The following ARHGAP26 variants were observed in gnomAD, a reference collection of about 807,000 sequenced individuals.
ARHGAP26 encodes Rho GTPase activating protein 26, also known as rho GTPase-activating protein 26.
A neutral mutation model predicts 104.8 loss-of-function variants in ARHGAP26; 38 were observed. The observed-to-expected ratio is 0.36, with a 90% CI of 0.28 to 0.48. ARHGAP26 has a LOEUF of 0.48. ARHGAP26 is among the 20% of genes least tolerant of loss of function. The pLI is 0.99. For synonymous variants in ARHGAP26, 341 were observed against 340.0 expected (o/e 1.00, Z -0.03); for missense variants, 704 against 947.9 (o/e 0.74, Z 3.38).
intron 11 of ARHGAP26, among the ~76,000 whole-genome samples, chr5:142,973,583 T>G (rs1291326638): frequency 2.0e-5 from 3 of 152,206 alleles, no homozygotes; most frequent in Admixed American, 6.5e-5. Context: ...TAGTTTTATT[T>G]TTAAAATAAC....
chr5:142,783,938 G>C (rs554562055), intron 1 of ARHGAP26, among the ~76,000 whole-genome samples: 1 of 152,222 alleles, frequency 6.6e-6, no homozygotes, highest in Non-Finnish European at 1.5e-5. Context: ...CAGATCATCA[G>C]CCACACCACC....
At chr5:142,971,309 G>A (rs187665818) in intron 11 of ARHGAP26, among the ~76,000 whole-genome samples, 1 of 152,264 alleles carries the variant, frequency 6.6e-6, no homozygotes, top group East Asian at 1.9e-4. Flanking sequence ...AAACTAGCAT[G>A]CTTTTGAAGA....
At chr5:143,081,463 T>A (rs1160506827) in intron 17 of ARHGAP26, among the ~76,000 whole-genome samples, 1 of 152,234 alleles carries the variant, frequency 6.6e-6, no homozygotes, top group African/African-American at 2.4e-5. Context: ...TTTCCATTGA[T>A]GTAATTGGAA....
chr5:143,004,261 C>A (rs2152794552), intron 11 of ARHGAP26, among the ~76,000 whole-genome samples: 1 of 152,268 alleles, frequency 6.6e-6, no homozygotes, highest in South Asian at 2.1e-4. Context: ...AGTTAGTCCA[C>A]AAGGACTCAG....
At chr5:143,016,213 A>G (rs1779561404) in intron 12 of ARHGAP26, among the ~76,000 whole-genome samples, 1 of 152,250 alleles carries the variant, frequency 6.6e-6, no homozygotes, top group Non-Finnish European at 1.5e-5. Flanking sequence ...ATACATAATA[A>G]CATGCATTAC....
At chr5:143,071,350 A>G (rs561597623) in intron 17 of ARHGAP26, among the ~76,000 whole-genome samples, 48 of 152,228 alleles carry the variant, frequency 3.2e-4, no homozygotes, top group Non-Finnish European at 5.6e-4. Context: ...ATTTTTGACA[A>G]AGGTGCCAAG....
intron 8 of ARHGAP26, among the ~76,000 whole-genome samples, chr5:142,906,039 A>G (rs1761057272): frequency 6.6e-6 from 1 of 152,226 alleles, no homozygotes; most frequent in African/African-American, 2.4e-5. Flanking sequence ...TTTTTGAACA[A>G]CACAGTCCAG....
chr5:143,193,816 CTT>C (rs1403993816), intron 20 of ARHGAP26: 1 of 152,132 alleles, frequency 6.6e-6, no homozygotes, highest in African/African-American at 2.4e-5. Context: ...TTGTTCATCT[CTT>C]ATTATGCTTA....
At chr5:143,157,595 C>A (rs985634721) in intron 20 of ARHGAP26, among the ~76,000 whole-genome samples, 1 of 152,188 alleles carries the variant, frequency 6.6e-6, no homozygotes, top group Non-Finnish European at 1.5e-5. Flanking sequence ...TTCTACAGCA[C>A]TTCTCTTAAG....
chr5:143,138,622 C>T (rs1243628896), intron 19 of ARHGAP26, among the ~76,000 whole-genome samples: 1 of 152,178 alleles, frequency 6.6e-6, no homozygotes, highest in Non-Finnish European at 1.5e-5. Flanking sequence ...GTGGGCAGCT[C>T]TTGTCTGTAG....
Position 143,054,532 on chromosome 5 carries a change from G to A in ARHGAP26, c.1373+6G>A. The A allele has an allele frequency of 1.3e-6, 2 of 1,589,536 alleles. No homozygotes were observed. Among genetic ancestry groups the A allele is most frequent in the South Asian group, 1.1e-5 (1 of 89,368 alleles). ...GCTCTGAAGACCTACCTAAGGTAGG[G>A]ACTTTCCATTTGCAAGGCAGAGTGC... On this transcript the variant is annotated splice_donor_region_variant and intron_variant, in intron 15 of 22. Transcript: ENST00000645722.
chr5:142,865,996 G>A (rs1253789116), intron 1 of ARHGAP26, among the ~76,000 whole-genome samples: 2 of 151,164 alleles, frequency 1.3e-5, no homozygotes, highest in Non-Finnish European at 2.9e-5. Flanking sequence ...GAACTTTAAG[G>A]TTCAGCTCAA....
At chr5:143,131,933 T>C (rs1302769710) in intron 18 of ARHGAP26, among the ~76,000 whole-genome samples, 1 of 152,192 alleles carries the variant, frequency 6.6e-6, no homozygotes, top group Non-Finnish European at 1.5e-5. Context: ...CTTTCTATTA[T>C]AGAGGCTCAG....
intron 17 of ARHGAP26, among the ~76,000 whole-genome samples, chr5:143,092,107 G>A (rs1411908699): frequency 6.7e-6 from 1 of 149,714 alleles, no homozygotes; most frequent in Non-Finnish European, 1.5e-5. Context: ...GACTTTTACA[G>A]ACAATTCTTC....
chr5:143,162,059 G>A (rs918067593), intron 20 of ARHGAP26, among the ~76,000 whole-genome samples: 2 of 152,006 alleles, frequency 1.3e-5, no homozygotes, highest in East Asian at 3.9e-4. Context: ...ACTTTGACTT[G>A]CGCAATGCTG....
chr5:143,176,907 T>C (rs1281067664), intron 20 of ARHGAP26, among the ~76,000 whole-genome samples: 1 of 152,226 alleles, frequency 6.6e-6, no homozygotes, highest in Admixed American at 6.5e-5. Flanking sequence ...GAATTACGTA[T>C]TGCAAGGAGC....
rs74534318 is a variant in ARHGAP26 at position 142,981,954 on chromosome 5, C to T, written c.1108-32126C>T. Among the ~76,000 whole-genome samples the T allele has an allele frequency of 6.0e-4, 91 of 152,356 alleles. No homozygotes were observed. In the East Asian group the frequency reaches 0.015, roughly 26 times the overall value. ...TAATTTATTGACATAGAAGAGGCCT[C>T]GTGCAGGCTTTCATTGCATTAGTCC... On this transcript the variant is annotated intron_variant, in intron 11 of 22. Transcript: ENST00000645722.
At chr5:142,858,288 T>A (rs1264159234) in intron 1 of ARHGAP26, among the ~76,000 whole-genome samples, 1 of 152,264 alleles carries the variant, frequency 6.6e-6, no homozygotes, top group African/African-American at 2.4e-5. Flanking sequence ...TCTTCTTTTA[T>A]CATTTGCCTA....
intron 11 of ARHGAP26, among the ~76,000 whole-genome samples, chr5:143,009,018 C>T (rs1778378833): frequency 6.6e-6 from 1 of 152,126 alleles, no homozygotes; most frequent in Non-Finnish European, 1.5e-5. Context: ...ATTGCAGCTT[C>T]TGGGTAAGGA....
Sources: gnomAD v4.1 joint callset for allele counts (sites outside exome capture counted in the v4.1 genomes callset) on GRCh38, gnomAD v4.1.1 for gene constraint, MANE v1.5 for transcripts, NCBI Gene and HGNC (gene_info 2026-07-23, HGNC 2026-07-21) for gene names.